FRMPD4: variants seen among roughly 807,000 people sequenced by gnomAD.
FRMPD4 encodes FERM and PDZ domain-containing protein 4.
A neutral mutation model predicts 94.1 loss-of-function variants in FRMPD4; 22 were observed. The observed-to-expected ratio is 0.23, with a 90% CI of 0.17 to 0.33. The LOEUF (loss-of-function observed/expected upper bound fraction) is 0.33, where lower values mean the gene tolerates loss of function less well. Among genes scored for constraint, FRMPD4 ranks in the 10% least tolerant of loss-of-function variants. FRMPD4 has a pLI of 1.00. For synonymous variants in FRMPD4, 631 were observed against 548.6 expected (o/e 1.15, Z -2.10); for missense variants, 1,111 against 1,339.9 (o/e 0.83, Z 2.67).
At chrX:12,373,562 C>T (rs1569250730) in intron 1 of FRMPD4, among the ~76,000 whole-genome samples, 1 of 111,968 alleles carries the variant, frequency 8.9e-6, no homozygotes, top group African/African-American at 3.2e-5. Context: ...GCCCAGAGAA[C>T]ACCTTTTGTG....
At chrX:12,451,733 C>CGTGTGTGTGTGTGTGT (rs72300557) in intron 1 of FRMPD4, among the ~76,000 whole-genome samples, 1 of 98,813 alleles carries the variant, frequency 1.0e-5, no homozygotes, top group Admixed American at 1.1e-4. Context: ...TGTGTATGCC[C>CGTGTGTGTGTGTGTGT]GTGTGTGTGT....
chrX:12,484,889 G>A (rs5978536), intron 1 of FRMPD4, among the ~76,000 whole-genome samples: 14,434 of 111,863 alleles, frequency 0.13, 755 homozygotes, highest in African/African-American at 0.18. Flanking sequence ...ATTGTTGACT[G>A]TAATATAAGA....
At chrX:12,487,196 G>A (rs1051722301) in intron 1 of FRMPD4, among the ~76,000 whole-genome samples, 55 of 111,499 alleles carry the variant, frequency 4.9e-4, no homozygotes, top group African/African-American at 1.7e-3. Flanking sequence ...AGGCATGATG[G>A]TCATATTTTC....
At chrX:12,474,122 C>T (rs1160989896) in intron 1 of FRMPD4, among the ~76,000 whole-genome samples, 2 of 110,219 alleles carry the variant, frequency 1.8e-5, no homozygotes, top group Non-Finnish European at 3.8e-5. Flanking sequence ...GTCTGTGAGA[C>T]CACAGTGCAA....
intron 3 of FRMPD4, among the ~76,000 whole-genome samples, chrX:11,983,492 G>A (rs754741987): frequency 1.8e-5 from 2 of 111,569 alleles, no homozygotes; most frequent in Non-Finnish European, 3.8e-5. Context: ...TTTGCCCTCC[G>A]GATTTTTTAC....
chrX:12,542,035 C>A (rs1209885631), intron 2 of FRMPD4, among the ~76,000 whole-genome samples: 3 of 111,451 alleles, frequency 2.7e-5, no homozygotes, highest in Non-Finnish European at 5.7e-5. Context: ...TGACAAAATT[C>A]AACAGCCCTT....
At chrX:12,407,086 T>G (rs1266304922) in intron 1 of FRMPD4, among the ~76,000 whole-genome samples, 1 of 111,177 alleles carries the variant, frequency 9.0e-6, no homozygotes, top group Non-Finnish European at 1.9e-5. Flanking sequence ...CTCACTCTCT[T>G]GCCTCCCTCC....
chrX:11,882,315 C>G (rs944132680), intron 3 of FRMPD4, among the ~76,000 whole-genome samples: 13 of 110,337 alleles, frequency 1.2e-4, no homozygotes, highest in African/African-American at 4.0e-4. Flanking sequence ...ACAAAGGGGT[C>G]GAAGAGTGAG....
At chrX:12,542,128 TATC>T (rs1325830701) in intron 2 of FRMPD4, among the ~76,000 whole-genome samples, 3 of 112,011 alleles carry the variant, frequency 2.7e-5, no homozygotes, top group Non-Finnish European at 5.6e-5. Flanking sequence ...CCACAGCCAA[TATC>T]ATACTGAATG....
At chrX:12,292,249 A>G (rs998201590) in intron 1 of FRMPD4, among the ~76,000 whole-genome samples, 3 of 112,247 alleles carry the variant, frequency 2.7e-5, no homozygotes, top group Non-Finnish European at 5.6e-5. Flanking sequence ...TTCTGATTAT[A>G]GATAGTATAG....
chrX:11,948,818 TTAAAA>T (rs1268538193), intron 3 of FRMPD4, among the ~76,000 whole-genome samples: 1 of 112,239 alleles, frequency 8.9e-6, no homozygotes, highest in African/African-American at 3.2e-5. Context: ...ACATTTTATT[TTAAAA>T]TAAAATAAAT....
chrX:12,257,916 C>T (rs1446018158), intron 1 of FRMPD4, among the ~76,000 whole-genome samples: 4 of 109,537 alleles, frequency 3.7e-5, no homozygotes, highest in African/African-American at 1.0e-4. Context: ...TTCGCGGTGT[C>T]GTGCCTACTC....
At chrX:11,906,650 T>C (rs2053969801) in intron 3 of FRMPD4, among the ~76,000 whole-genome samples, 1 of 111,468 alleles carries the variant, frequency 9.0e-6, no homozygotes, top group African/African-American at 3.3e-5. Context: ...ATTTTTCTTT[T>C]TCTATGGCTT....
At chrX:11,946,743 A>G (rs2054191842) in intron 3 of FRMPD4, among the ~76,000 whole-genome samples, 1 of 111,631 alleles carries the variant, frequency 9.0e-6, no homozygotes, top group African/African-American at 3.3e-5. Context: ...TGAAGGCCCA[A>G]TTAGAGCAAA....
At chrX:12,338,027 C>T (rs1162258911) in intron 1 of FRMPD4, among the ~76,000 whole-genome samples, 1 of 112,151 alleles carries the variant, frequency 8.9e-6, no homozygotes, top group African/African-American at 3.2e-5. Flanking sequence ...CTTCCTATTG[C>T]ACTCTTACAT....
At chrX:12,032,897 G>A (rs2054700188) in intron 3 of FRMPD4, among the ~76,000 whole-genome samples, 1 of 112,421 alleles carries the variant, frequency 8.9e-6, no homozygotes, top group Non-Finnish European at 1.9e-5. Context: ...TCATTTGACA[G>A]ATGATAAATG....
At chrX:12,097,124 C>T (rs939662213) in intron 3 of FRMPD4, among the ~76,000 whole-genome samples, 8 of 112,092 alleles carry the variant, frequency 7.1e-5, no homozygotes, top group African/African-American at 2.6e-4. Context: ...ATACAAATAA[C>T]TAAATTGATT....
At chrX:12,125,178 T>C (rs1421426957) in intron 3 of FRMPD4, among the ~76,000 whole-genome samples, 7 of 112,092 alleles carry the variant, frequency 6.2e-5, no homozygotes, top group Non-Finnish European at 1.3e-4. Flanking sequence ...TCTCCTCTGC[T>C]GTGTCAACAC....
chrX:12,667,765 G>C (rs2059794984), intron 4 of FRMPD4, among the ~76,000 whole-genome samples: 1 of 111,880 alleles, frequency 8.9e-6, no homozygotes, highest in African/African-American at 3.2e-5. Context: ...TGTTTCAAGG[G>C]ACTCTGCATC....
Sources: allele counts gnomAD v4.1 joint callset (sites outside exome capture counted in the v4.1 genomes callset), GRCh38; gene constraint gnomAD v4.1.1; transcripts MANE v1.5; gene names NCBI Gene and HGNC (gene_info 2026-07-23, HGNC 2026-07-21).